Variants in CDH2 observed in about 807,000 individuals in gnomAD.
The protein encoded by CDH2 is cadherin-2.
In CDH2, 17 loss-of-function variants were observed where a neutral mutation model predicts 92.0. The ratio of observed to expected loss-of-function variants is 0.18; its 90% confidence interval spans 0.13 to 0.28. The LOEUF (loss-of-function observed/expected upper bound fraction) is 0.28. Among genes scored for constraint, CDH2 ranks in the 10% least tolerant of loss-of-function variants. The pLI, the probability that CDH2 is intolerant of heterozygous loss-of-function variation, is 1.00. For synonymous variants in CDH2, 419 were observed against 415.9 expected (o/e 1.01, Z -0.09); for missense variants, 862 against 1,133.1 (o/e 0.76, Z 3.44).
chr18:28,039,066 T>C (rs1393430024), intron 2 of CDH2, among the ~76,000 whole-genome samples: 1 of 152,206 alleles, frequency 6.6e-6, no homozygotes, highest in Non-Finnish European at 1.5e-5. Flanking sequence ...GTACACAGGA[T>C]AGTGAACTTT....
intron 5 of CDH2, among the ~76,000 whole-genome samples, chr18:28,009,496 A>ACTTC (rs745944273): frequency 2.0e-5 from 3 of 152,160 alleles, no homozygotes; most frequent in Non-Finnish European, 4.4e-5. Flanking sequence ...AGGCAATTTC[A>ACTTC]CTTCCTTCTT....
intron 2 of CDH2, among the ~76,000 whole-genome samples, chr18:28,099,559 T>TA (rs1414525603): frequency 6.6e-6 from 1 of 152,002 alleles, no homozygotes; most frequent in East Asian, 1.9e-4. Flanking sequence ...AACTACACAG[T>TA]AAAAATGACA....
chr18:27,953,378 T>C (rs184776622), intron 15 of CDH2, among the ~76,000 whole-genome samples: 17 of 152,326 alleles, frequency 1.1e-4, no homozygotes, highest in Admixed American at 9.8e-4. Flanking sequence ...TATTTTCTAC[T>C]TAATTTTTTC....
At chr18:28,127,316 G>A (rs544238129) in intron 2 of CDH2, among the ~76,000 whole-genome samples, 1 of 152,244 alleles carries the variant, frequency 6.6e-6, no homozygotes, top group Non-Finnish European at 1.5e-5. Context: ...CGGATTCAGT[G>A]GATGGATTCA....
intron 2 of CDH2, among the ~76,000 whole-genome samples, chr18:28,143,594 G>A (rs2015988262): frequency 6.6e-6 from 1 of 151,840 alleles, no homozygotes; most frequent in African/African-American, 2.4e-5. Flanking sequence ...CACAAGTCAT[G>A]GTGGTAAATG....
chr18:28,064,675 AAAC>A (rs1171390681), intron 2 of CDH2, among the ~76,000 whole-genome samples: 1 of 152,094 alleles, frequency 6.6e-6, no homozygotes. Context: ...TAAAAAAAAA[AAAC>A]AACTGGAGCC....
chr18:28,168,687 A>G (rs917940561), intron 1 of CDH2: 9 of 261,344 alleles, frequency 3.4e-5, no homozygotes, highest in Non-Finnish European at 5.4e-5. Flanking sequence ...TTTCTCTCCT[A>G]AAGACCACAG....
chr18:28,101,639 GA>G (rs1391371114), intron 2 of CDH2, among the ~76,000 whole-genome samples: 1 of 152,076 alleles, frequency 6.6e-6, no homozygotes, highest in Non-Finnish European at 1.5e-5. Flanking sequence ...TATGTTTGCT[GA>G]AATAGCTGTT....
intron 11 of CDH2, among the ~76,000 whole-genome samples, chr18:27,987,308 T>C (rs2012267028): frequency 6.6e-6 from 1 of 151,912 alleles, no homozygotes; most frequent in Non-Finnish European, 1.5e-5. Flanking sequence ...TGGCAAAAGC[T>C]ATTCCTACAA....
At position 27,963,471 on chromosome 18, in the gene CDH2, G is replaced by A. The variant is rs1224093427; in HGVS notation, c.2400C>T (p.Ala800=). 1.2e-6 allele frequency: 2 copies of A among 1,613,870 alleles called. No individual in the cohort carries two copies. The highest frequency in any genetic ancestry group is 2.2e-5 in the East Asian group (1 of 44,870). The part of the protein sequence containing the change: ...LQQPDTVEPD[A]IKPVGIRRMD... Reference sequence around the variant, plus strand: ...TTCGTCGGATTCCCACAGGCTTGATGGCATCAGGCTCCACAGTGTCAGGCT... The same window carrying A: ...TTCGTCGGATTCCCACAGGCTTGATAGCATCAGGCTCCACAGTGTCAGGCT... Residue 800 remains alanine, a synonymous_variant, in exon 15 of 16, where the codon GCC becomes GCT. Coordinates refer to ENST00000269141, the MANE Select transcript of CDH2 (RefSeq NM_001792.5).
chr18:27,993,129 C>T (rs1021249636), intron 8 of CDH2, among the ~76,000 whole-genome samples: 2 of 152,116 alleles, frequency 1.3e-5, no homozygotes, highest in Admixed American at 6.6e-5. Context: ...GGGGAAAGAA[C>T]TTGTCTGTGC....
intron 1 of CDH2, among the ~76,000 whole-genome samples, chr18:28,169,843 A>G (rs1196650746): frequency 1.3e-5 from 2 of 152,214 alleles, no homozygotes; most frequent in African/African-American, 4.8e-5. Context: ...AACCCAAGTT[A>G]AACTGCTTAC....
At chr18:28,084,307 T>C (rs939299551) in intron 2 of CDH2, among the ~76,000 whole-genome samples, 2 of 152,174 alleles carry the variant, frequency 1.3e-5, no homozygotes, top group African/African-American at 4.8e-5. Context: ...GGGAAGGGAT[T>C]TCCTTATTTC....
chr18:28,007,292 T>G (rs1185525384), intron 5 of CDH2, among the ~76,000 whole-genome samples: 2 of 151,448 alleles, frequency 1.3e-5, no homozygotes, highest in African/African-American at 4.8e-5. Context: ...TAAACAAAAA[T>G]ATTCATTTGG....
intron 1 of CDH2, among the ~76,000 whole-genome samples, chr18:28,154,585 T>C (rs2016179341): frequency 6.6e-6 from 1 of 152,246 alleles, no homozygotes; most frequent in Non-Finnish European, 1.5e-5. Context: ...AGGGACATTG[T>C]TTTTGTTCTT....
chr18:28,129,703 T>C (rs1414769639), intron 2 of CDH2, among the ~76,000 whole-genome samples: 1 of 152,102 alleles, frequency 6.6e-6, no homozygotes, highest in Non-Finnish European at 1.5e-5. Flanking sequence ...TGGTTGCATG[T>C]CTGTAGTCTC....
intron 2 of CDH2, among the ~76,000 whole-genome samples, chr18:28,083,577 A>C (rs1214655409): frequency 6.6e-6 from 1 of 152,208 alleles, no homozygotes; most frequent in Non-Finnish European, 1.5e-5. Flanking sequence ...TGCTTTGTGA[A>C]TAAGAACTTG....
At chr18:28,156,074 C>T (rs1029866225) in intron 1 of CDH2, among the ~76,000 whole-genome samples, 13 of 152,196 alleles carry the variant, frequency 8.5e-5, no homozygotes, top group Admixed American at 6.5e-5. Context: ...ATGATGTGCT[C>T]TAGACCAGCT....
In CDH2 at chr18:28,014,867, CT is replaced by C. The variant is rs1455957492; in HGVS notation, c.173-959del. Among the ~76,000 whole-genome samples, 8 of 152,098 alleles carry C rather than the reference CT, an allele frequency of 5.3e-5. No homozygotes were observed. The East Asian group carries it at 1.5e-3, about 29-fold the overall frequency. ...ATAAAATAATAAAAACAAAAATATT[CT>C]CTAAGGAAGATTATTCCTTTAAAGT... is the stretch of plus-strand genomic sequence containing the variant. On this transcript the variant is annotated intron_variant, in intron 2 of 15. Coordinates refer to ENST00000269141, the MANE Select transcript of CDH2 (RefSeq NM_001792.5).
Sources: gnomAD v4.1 joint callset for allele counts (sites outside exome capture counted in the v4.1 genomes callset) on GRCh38, gnomAD v4.1.1 for gene constraint, MANE v1.5 for transcripts, NCBI Gene and HGNC (gene_info 2026-07-23, HGNC 2026-07-21) for gene names.